SNED1: variants seen among roughly 807,000 people sequenced by gnomAD.
SNED1 encodes sushi, nidogen and EGF like domains 1, also known as sushi, nidogen and EGF-like domain-containing protein 1.
Under a neutral mutation model 166.7 loss-of-function variants are expected in SNED1, and 81 were observed. That is an observed-to-expected ratio of 0.49 (90% CI 0.41 to 0.58). SNED1 has a LOEUF of 0.58. Ranked by LOEUF, SNED1 falls within the 20% of genes least tolerant of loss-of-function variation. SNED1 has a pLI of 0.00. For missense variants in SNED1, 1,604 were observed against 2,000.2 expected, an observed-to-expected ratio of 0.80 and a Z score of 3.78; for synonymous variants, 762 against 822.0, an observed-to-expected ratio of 0.93 and a Z score of 1.25.
intron 7 of SNED1, 21 bp from the exon 8 acceptor site, chr2:241,040,279 C>G (rs755055158): frequency 5.1e-6 from 8 of 1,583,302 alleles, no homozygotes; most frequent in South Asian, 1.2e-5. Flanking sequence ...AAGCCAAGCC[C>G]GCACCTCTGC....
At chr2:241,036,319 C>T (rs955076666) in intron 4 of SNED1, among the ~76,000 whole-genome samples, 2 of 151,914 alleles carry the variant, frequency 1.3e-5, no homozygotes, top group African/African-American at 4.8e-5. Context: ...GCGGGGAGCC[C>T]AGAGCGGCCG....
chr2:241,063,113 G>A (rs928056400), intron 17 of SNED1, among the ~76,000 whole-genome samples: 6 of 152,248 alleles, frequency 3.9e-5, no homozygotes, highest in African/African-American at 1.4e-4. Context: ...GAGCCCAGCT[G>A]AGAAATGCTG....
At chr2:241,072,699 G>C (rs888074330) in intron 26 of SNED1, 6 of 196,108 alleles carry the variant, frequency 3.1e-5, no homozygotes, top group African/African-American at 1.4e-4. Context: ...GAGAGGGCAG[G>C]CAGCTGCCCG....
chr2:241,027,223 G>A (rs1464216136), intron 1 of SNED1, among the ~76,000 whole-genome samples: 1 of 152,130 alleles, frequency 6.6e-6, no homozygotes, highest in South Asian at 2.1e-4. Flanking sequence ...TGGGATTACA[G>A]GTATGTGCCA....
chr2:241,075,166 C>G lies in SNED1; in HGVS notation c.3916+1802C>G, dbSNP rs940320268. 2 of 152,144 alleles carry G rather than the reference C, an allele frequency of 1.3e-5. No individual in the cohort carries two copies. The highest frequency in any genetic ancestry group is 4.8e-5 in the African/African-American group (2 of 41,402). 9.4% of individuals were successfully genotyped at this position (152,144 alleles called of 1,614,324 possible). ...TCTTCTCCCCTCTCTGTGCAGAGAA[C>G]ATGTAGGTTGTGTTTGGTATGAGCA... On this transcript the variant is annotated intron_variant, in intron 27 of 31. Coordinates refer to ENST00000310397, the MANE Select transcript of SNED1 (RefSeq NM_001080437.3). This position sits in a 1 kb window ranked among gnomAD's most constrained non-coding sequence, Gnocchi z 4.8.
intron 1 of SNED1, among the ~76,000 whole-genome samples, chr2:241,025,384 C>T (rs1048697527): frequency 6.6e-6 from 1 of 152,120 alleles, no homozygotes; most frequent in Non-Finnish European, 1.5e-5. Flanking sequence ...CTAGACAACA[C>T]GATATACACT....
intron 1 of SNED1, among the ~76,000 whole-genome samples, chr2:241,021,042 G>A (rs1278400274): frequency 2.0e-5 from 3 of 152,118 alleles, no homozygotes; most frequent in Non-Finnish European, 4.4e-5. Flanking sequence ...CAACCCCCTC[G>A]CTTTAATTCT....
intron 2 of SNED1, among the ~76,000 whole-genome samples, chr2:241,031,737 G>A (rs1368131887): frequency 1.3e-5 from 2 of 152,170 alleles, no homozygotes; most frequent in Non-Finnish European, 2.9e-5. Flanking sequence ...TACGGCCCTC[G>A]CGTCTTTGTT....
chr2:241,067,088 C>CCT lies in SNED1; in HGVS notation c.3011-674_3011-673dup, dbSNP rs2062486642. 1.3e-5 allele frequency among the ~76,000 whole-genome samples: 2 copies of CCT among 152,314 alleles called. 1 individual carries two copies. Among genetic ancestry groups the CCT allele is most frequent in the African/African-American group, 4.8e-5 (2 of 41,566 alleles). On this transcript the variant is annotated intron_variant, in intron 21 of 31. Coordinates refer to ENST00000310397, the MANE Select transcript of SNED1 (RefSeq NM_001080437.3). ...CAAGGCCGCCCCATGTGAGATCTGC[C>CCT]CTCGGAAGGTATCTGGAGTGAAGAC...
At chr2:241,005,852 G>A (rs141054736) in intron 1 of SNED1, among the ~76,000 whole-genome samples, 125 of 151,838 alleles carry the variant, frequency 8.2e-4, no homozygotes, top group African/African-American at 3.0e-3. Flanking sequence ...CAGCAATTTG[G>A]TTATTAGGTG....
chr2:241,006,954 T>C (rs1057165109), intron 1 of SNED1, among the ~76,000 whole-genome samples: 1 of 152,180 alleles, frequency 6.6e-6, no homozygotes, highest in Non-Finnish European at 1.5e-5. Flanking sequence ...CAGAAGGGGC[T>C]CCCACTGGCA....
Position 241,049,808 on chromosome 2 carries a change from C to T in SNED1, c.1619-9C>T, listed in dbSNP as rs2061774708. 1 of 1,609,022 alleles carries T rather than the reference C, an allele frequency of 6.2e-7. No homozygotes were observed. Among genetic ancestry groups the T allele is most frequent in the South Asian group, 1.1e-5 (1 of 90,984 alleles). Reference sequence around the variant, plus strand: ...AGCTCCAGGACCACCCTCTGTCCCCCGCCCCCAGCCCTGCCATCACCCTGC... The same window carrying T: ...AGCTCCAGGACCACCCTCTGTCCCCTGCCCCCAGCCCTGCCATCACCCTGC... On this transcript the variant is annotated splice_polypyrimidine_tract_variant and intron_variant, in intron 11 of 31. Transcript: ENST00000310397.
intron 26 of SNED1, chr2:241,072,211 C>T (rs2062765329): frequency 1.8e-6 from 1 of 551,208 alleles, no homozygotes; most frequent in Non-Finnish European, 3.5e-6. Context: ...GGGCTCTGAG[C>T]TTTGTTTTAG....
intron 1 of SNED1, among the ~76,000 whole-genome samples, chr2:241,019,684 C>T (rs965448651): frequency 1.3e-5 from 2 of 152,204 alleles, no homozygotes; most frequent in African/African-American, 4.8e-5. Flanking sequence ...CAAGAGGCAG[C>T]GCGGTCCGAT....
In SNED1 at chr2:241,067,855, C is replaced by T. The variant is rs1450429801; in HGVS notation, c.3102C>T (p.Thr1034=). ...QWALHRIRHA[T]VSGVRVSIRH... ...CCCTGCACAGGATCCGCCATGCCACCGTCAGTGGGGTCCGTGTGTCCATCC... is the reference window on the plus strand; with the variant it reads ...CCCTGCACAGGATCCGCCATGCCACTGTCAGTGGGGTCCGTGTGTCCATCC... Residue 1034 remains threonine (T), a synonymous_variant, in exon 22 of 32, where the codon ACC becomes ACT. Transcript: ENST00000310397. 3.1e-6 allele frequency: 5 copies of T among 1,613,320 alleles called. No homozygotes were observed. Among genetic ancestry groups the T allele is most frequent in the East Asian group, 2.2e-5 (1 of 44,890 alleles).
chr2:241,007,456 T>C (rs927463306), intron 1 of SNED1, among the ~76,000 whole-genome samples: 10 of 152,228 alleles, frequency 6.6e-5, no homozygotes, highest in Non-Finnish European at 1.2e-4. Context: ...TGCGTCTTTT[T>C]TTAGTATTAA....
At chr2:241,015,706 T>C (rs2060559590) in intron 1 of SNED1, 6 of 171,010 alleles carry the variant, frequency 3.5e-5, no homozygotes, top group Admixed American at 2.6e-4. Flanking sequence ...TGTTGGTGCC[T>C]GTGCTGGCCG....
At chr2:241,031,880 A>C (rs933402181) in intron 2 of SNED1, among the ~76,000 whole-genome samples, 1 of 152,232 alleles carries the variant, frequency 6.6e-6, no homozygotes, top group Admixed American at 6.5e-5. Context: ...AAACTAGCCC[A>C]GCACCAAGCG....
chr2:241,070,335 G>A (rs999085910), intron 24 of SNED1, 134 bp downstream of exon 24: 64 of 972,182 alleles, frequency 6.6e-5, no homozygotes, highest in Admixed American at 1.4e-4. Flanking sequence ...GTTAGCAGGG[G>A]AGGAGTCTGT....
Sources: gnomAD v4.1 joint callset for allele counts (sites outside exome capture counted in the v4.1 genomes callset) on GRCh38, gnomAD v4.1.1 for gene constraint, Gnocchi (gnomAD v3.1) non-coding constraint, MANE v1.5 for transcripts, NCBI Gene and HGNC (gene_info 2026-07-23, HGNC 2026-07-21) for gene names.